The following FNDC3B variants were observed in gnomAD, a reference collection of about 807,000 sequenced individuals.
FNDC3B encodes the protein fibronectin type III domain-containing protein 3B.
Under a neutral mutation model 151.5 loss-of-function variants are expected in FNDC3B, and 12 were observed. That is an observed-to-expected ratio of 0.08 (90% CI 0.05 to 0.13). FNDC3B has a LOEUF of 0.13. Ranked by LOEUF, FNDC3B falls within the 10% of genes least tolerant of loss-of-function variation. The pLI is 1.00. For synonymous variants in FNDC3B, 528 were observed against 549.0 expected (o/e 0.96, Z 0.54); for missense variants, 1,214 against 1,505.3 (o/e 0.81, Z 3.20).
chr3:172,067,606 G>C (rs1380719859), intron 1 of FNDC3B, among the ~76,000 whole-genome samples: 2 of 152,104 alleles, frequency 1.3e-5, no homozygotes, highest in African/African-American at 2.4e-5. Flanking sequence ...TACATCAAGA[G>C]TTTCCTATAC....
intron 22 of FNDC3B, among the ~76,000 whole-genome samples, chr3:172,359,688 G>T (rs1443389316): frequency 6.6e-6 from 1 of 152,092 alleles, no homozygotes; most frequent in Non-Finnish European, 1.5e-5. Context: ...ATCATAGAAA[G>T]AAACTCTTCT....
chr3:172,127,771 T>C (rs1036831603), intron 2 of FNDC3B, among the ~76,000 whole-genome samples: 3 of 152,122 alleles, frequency 2.0e-5, no homozygotes, highest in Non-Finnish European at 4.4e-5. Flanking sequence ...GTTCAAGCGA[T>C]TCTCATGCCT....
intron 3 of FNDC3B, chr3:172,148,584 CT>C (rs1217223331): frequency 1.3e-5 from 2 of 152,274 alleles, no homozygotes; most frequent in East Asian, 3.9e-4. Flanking sequence ...AGTGAATTGG[CT>C]CCATAGTAAC....
chr3:172,296,237 G>A (rs1006738181), intron 8 of FNDC3B, among the ~76,000 whole-genome samples: 2 of 152,196 alleles, frequency 1.3e-5, no homozygotes, highest in Non-Finnish European at 2.9e-5. Context: ...TCCAGTGACT[G>A]CCCGTGCCCA....
intron 3 of FNDC3B, among the ~76,000 whole-genome samples, chr3:172,201,954 G>T (rs1388063750): frequency 1.3e-5 from 2 of 152,170 alleles, no homozygotes; most frequent in South Asian, 4.1e-4. Flanking sequence ...TCTACTTCGT[G>T]CATTTTTGCA....
intron 1 of FNDC3B, among the ~76,000 whole-genome samples, chr3:172,076,854 G>T (rs1423170045): frequency 6.6e-6 from 1 of 152,224 alleles, no homozygotes; most frequent in Admixed American, 6.5e-5. Context: ...GGGTGACTTT[G>T]TCATGGGTAA....
At chr3:172,310,547 C>T (rs1039055501) in intron 10 of FNDC3B, among the ~76,000 whole-genome samples, 7 of 152,170 alleles carry the variant, frequency 4.6e-5, no homozygotes, top group East Asian at 1.9e-4. Context: ...GAGGAAGTAG[C>T]GTACCATGAG....
rs576747351 is a variant in FNDC3B, at chr3:172,075,654, A to G, written c.-29+35883A>G. 5.3e-5 allele frequency among the ~76,000 whole-genome samples: 8 copies of G among 152,106 alleles called. No homozygotes were observed. The South Asian group carries it at 8.3e-4, about 16-fold the overall frequency. The stretch of plus-strand genomic sequence containing the variant: ...GGCATGGTCAGAGATAGGCTTCTAT[A>G]GCACTATTTTTCCACATATTTTTGA... On this transcript the variant is annotated intron_variant, in intron 1 of 25. Transcript: ENST00000415807.
At chr3:172,262,521 T>C (rs565668112) in intron 6 of FNDC3B, among the ~76,000 whole-genome samples, 27 of 152,344 alleles carry the variant, frequency 1.8e-4, no homozygotes, top group Admixed American at 1.4e-3. Context: ...TTAGGTTTTT[T>C]TGAATATGAC....
At chr3:172,281,793 C>T (rs1304651551) in intron 6 of FNDC3B, among the ~76,000 whole-genome samples, 1 of 152,120 alleles carries the variant, frequency 6.6e-6, no homozygotes, top group Non-Finnish European at 1.5e-5. Context: ...ATAAAAGAAG[C>T]TACCCTAAAG....
intron 3 of FNDC3B, among the ~76,000 whole-genome samples, chr3:172,151,445 C>T (rs909902952): frequency 1.3e-5 from 2 of 152,158 alleles, no homozygotes; most frequent in Non-Finnish European, 2.9e-5. Context: ...GTCTCCCCGA[C>T]TCCACTCCCC....
rs71179981 is a variant in FNDC3B at position 172,239,856 on chromosome 3, CTTTTTTTTTTTTT to C, written c.265-7659_265-7647del. Among the ~76,000 whole-genome samples the C allele has an allele frequency of 6.8e-3, 342 of 49,934 alleles. 5 individuals carry two copies. The highest frequency in any genetic ancestry group is 9.2e-3 in the Non-Finnish European group (253 of 27,568). The allele number at this position is 49,934 out of a possible 152,430, so 32.8% of individuals were successfully genotyped here. A position where few individuals can be genotyped will look rare whatever the true frequency, so the allele number is the denominator to read the frequency against. On this transcript the variant is annotated intron_variant, in intron 4 of 25. Transcript: ENST00000415807. ...TGTTTTTAGGAGATCCATTTTAGTT[CTTTTTTTTTTTTT>C]TTTTTTTTTTTTTTTTTGGGATGGA...
chr3:172,390,020 G>GT (rs1735927097), intron 25 of FNDC3B, among the ~76,000 whole-genome samples: 1 of 152,226 alleles, frequency 6.6e-6, no homozygotes, highest in Non-Finnish European at 1.5e-5. Flanking sequence ...TTACTTGTTA[G>GT]TTTCTCTTTA....
At chr3:172,311,038 G>T (rs1731451012) in intron 11 of FNDC3B, 157 bp downstream of exon 11, 5 of 618,156 alleles carry the variant, frequency 8.1e-6, no homozygotes, top group Non-Finnish European at 1.2e-5. Context: ...TATGGAAAAT[G>T]AAGTTAGATT....
chr3:172,156,011 C>CT (rs1722464219), intron 3 of FNDC3B, among the ~76,000 whole-genome samples: 1 of 152,172 alleles, frequency 6.6e-6, no homozygotes, highest in African/African-American at 2.4e-5. Flanking sequence ...CCCAGAGACT[C>CT]TTTTTCTAAA....
At chr3:172,169,689 G>A (rs770605433) in intron 3 of FNDC3B, among the ~76,000 whole-genome samples, 4 of 152,146 alleles carry the variant, frequency 2.6e-5, no homozygotes, top group Non-Finnish European at 5.9e-5. Flanking sequence ...GGTCTCATTG[G>A]GAAGCATGTT....
chr3:172,041,237 G>A (rs1056569507), intron 1 of FNDC3B, among the ~76,000 whole-genome samples: 13 of 152,030 alleles, frequency 8.6e-5, no homozygotes, highest in African/African-American at 3.1e-4. Flanking sequence ...TGTTGGGTGG[G>A]CACCCCCTGA....
intron 3 of FNDC3B, among the ~76,000 whole-genome samples, chr3:172,206,714 AAGTG>A (rs1287082402): frequency 6.6e-6 from 1 of 151,336 alleles, no homozygotes; most frequent in African/African-American, 2.4e-5. Flanking sequence ...ATATTTTAGA[AAGTG>A]AGTTATAAAA....
In FNDC3B at chr3:172,328,990, G is replaced by A. The variant is rs1280639584; in HGVS notation, c.1293G>A (p.Gly431=). The A allele has an allele frequency of 6.2e-7, 1 of 1,613,130 alleles. No homozygotes were observed. Among genetic ancestry groups the A allele is most frequent in the Non-Finnish European group, 8.5e-7 (1 of 1,179,424 alleles). The change falls in exon 12 of 26, where the codon GGG becomes GGA. Residue 431 remains glycine, a synonymous_variant. Transcript: ENST00000415807. ...GTGGTTTCAGACAGTGCTTCTTCGGGAGCCAGAAGCACTGCAAGTTGACAA... is the reference window on the plus strand; with the variant it reads ...GTGGTTTCAGACAGTGCTTCTTCGGAAGCCAGAAGCACTGCAAGTTGACAA... ...RNSGFRQCFF[G]SQKHCKLTKL...
Sources: gnomAD v4.1 joint callset for allele counts (sites outside exome capture counted in the v4.1 genomes callset) on GRCh38, gnomAD v4.1.1 for gene constraint, MANE v1.5 for transcripts, NCBI Gene and HGNC (gene_info 2026-07-23, HGNC 2026-07-21) for gene names.